Variants in SYNE1 observed in about 807,000 individuals in gnomAD.
SYNE1 encodes nesprin-1.
SYNE1 carries 616 observed loss-of-function variants against 1,111.0 expected under a neutral mutation model. The ratio of observed to expected loss-of-function variants is 0.55; its 90% CI spans 0.52 to 0.59. The LOEUF (loss-of-function observed/expected upper bound fraction) is 0.59, where lower values mean the gene tolerates loss of function less well. SYNE1 is among the 20% of genes least tolerant of loss of function. SYNE1 has a pLI of 0.00. For synonymous variants in SYNE1, 3,855 were observed against 3,825.8 expected (o/e 1.01, Z -0.28); for missense variants, 10,006 against 10,417.0 (o/e 0.96, Z 1.72).
chr6:152,577,655 A>T (rs2128382259), intron 3 of SYNE1, among the ~76,000 whole-genome samples: 1 of 152,200 alleles, frequency 6.6e-6, no homozygotes, highest in African/African-American at 2.4e-5. Context: ...AGAAAAAAAA[A>T]TTCTCTAACT....
chr6:152,280,548 G>A (rs1182103472), intron 97 of SYNE1, among the ~76,000 whole-genome samples: 2 of 152,068 alleles, frequency 1.3e-5, no homozygotes, highest in South Asian at 4.2e-4. Flanking sequence ...GAACACCCCT[G>A]TCTTAAAGTA....
intron 91 of SYNE1, 75 bp from the exon 92 acceptor site, chr6:152,302,138 T>C: frequency 2.5e-6 from 4 of 1,586,216 alleles, no homozygotes; most frequent in Non-Finnish European, 3.4e-6. Flanking sequence ...TTCATCTTCC[T>C]GCAGGGCGAG....
intron 11 of SYNE1, among the ~76,000 whole-genome samples, chr6:152,494,640 C>T (rs931755341): frequency 6.6e-6 from 1 of 152,184 alleles, no homozygotes; most frequent in Non-Finnish European, 1.5e-5. Context: ...AATATTTATA[C>T]TGACCCTAAA....
intron 131 of SYNE1, among the ~76,000 whole-genome samples, chr6:152,157,503 G>T (rs963447282): frequency 6.6e-6 from 1 of 152,162 alleles, no homozygotes; most frequent in Non-Finnish European, 1.5e-5. Flanking sequence ...ATGTTCGATA[G>T]AGTAGAATGA....
At chr6:152,286,570 C>T (rs544322348) in intron 95 of SYNE1, among the ~76,000 whole-genome samples, 40 of 152,272 alleles carry the variant, frequency 2.6e-4, no homozygotes, top group African/African-American at 9.6e-4. Flanking sequence ...TTTTAATTTC[C>T]ATTTCCCCGA....
chr6:152,145,725 T>G, intron 137 of SYNE1: 1 of 656,400 alleles, frequency 1.5e-6, no homozygotes, highest in Non-Finnish European at 2.8e-6. Context: ...CTGAAATGAA[T>G]CATAAGAATT....
At chr6:152,287,738 G>T (rs998790252) in intron 95 of SYNE1, among the ~76,000 whole-genome samples, 1 of 152,036 alleles carries the variant, frequency 6.6e-6, no homozygotes, top group Non-Finnish European at 1.5e-5. Context: ...GTAGAGATGT[G>T]GTTTCACCAT....
intron 96 of SYNE1, among the ~76,000 whole-genome samples, chr6:152,283,688 C>G (rs2094160011): frequency 6.6e-6 from 1 of 152,122 alleles, no homozygotes; most frequent in African/African-American, 2.4e-5. Context: ...AGGCACACAC[C>G]ACCATGTCTG....
chr6:152,210,720 A>G (rs761391798), intron 124 of SYNE1, among the ~76,000 whole-genome samples: 5 of 152,220 alleles, frequency 3.3e-5, no homozygotes, highest in Admixed American at 6.5e-5. Context: ...AATACTCCAA[A>G]TATCACCACG....
At chr6:152,228,338 T>C (rs2082053374) in intron 115 of SYNE1, among the ~76,000 whole-genome samples, 1 of 152,156 alleles carries the variant, frequency 6.6e-6, no homozygotes, top group Non-Finnish European at 1.5e-5. Flanking sequence ...CACTTTAAGC[T>C]TTCCCTCCTG....
chr6:152,527,412 C>T (rs1467242331), intron 4 of SYNE1, among the ~76,000 whole-genome samples: 1 of 152,148 alleles, frequency 6.6e-6, no homozygotes, highest in East Asian at 1.9e-4. Context: ...TTTGATCATT[C>T]TCTTTCAAAT....
rs185494199 is a variant in SYNE1 at position 152,350,380 on chromosome 6, C to T, written c.11734-45G>A. 5.6e-4 allele frequency: 909 copies of T among 1,613,366 alleles called. 2 individuals carry two copies. Among genetic ancestry groups the T allele is most frequent in the Non-Finnish European group, 1.6e-4 (190 of 1,179,652 alleles). ...TCAGAGATGACTTTCAAGTGAAAAA[C>T]CTACTCAAAACTGTTTTGTATTACA... is the stretch of plus-strand genomic sequence containing the variant. On this transcript the variant is annotated intron_variant, in intron 71 of 145. Coordinates refer to ENST00000367255, the MANE Select transcript of SYNE1 (RefSeq NM_182961.4).
chr6:152,510,007 AT>A (rs1203268266), intron 8 of SYNE1, among the ~76,000 whole-genome samples, 185 bp downstream of exon 8: 39 of 152,172 alleles, frequency 2.6e-4, no homozygotes, highest in African/African-American at 9.2e-4. Flanking sequence ...TTTTAAGAGC[AT>A]TTTCCTAGAG....
At chr6:152,191,361 A>C (rs1384890330) in intron 127 of SYNE1, among the ~76,000 whole-genome samples, 2 of 151,518 alleles carry the variant, frequency 1.3e-5, no homozygotes, top group African/African-American at 2.4e-5. Flanking sequence ...GATTGGTATT[A>C]GTTCTTCTTT....
At chr6:152,466,809 AAATT>A in intron 16 of SYNE1, among the ~76,000 whole-genome samples, 1 of 152,238 alleles carries the variant, frequency 6.6e-6, no homozygotes. Context: ...TGAAAGTAGA[AAATT>A]AATGCAATTA....
intron 130 of SYNE1, among the ~76,000 whole-genome samples, chr6:152,172,216 C>T (rs182060613): frequency 1.5e-3 from 226 of 152,214 alleles, no homozygotes; most frequent in African/African-American, 5.3e-3. Context: ...TAATGGGTAA[C>T]TGTTTTTATT....
At chr6:152,380,665 G>C in intron 56 of SYNE1, 1 of 323,580 alleles carries the variant, frequency 3.1e-6, no homozygotes, top group Non-Finnish European at 5.8e-6. Flanking sequence ...AAACAGCTAT[G>C]ACTCTCTGTC....
At chr6:152,389,220 G>T (rs1251925810) in intron 53 of SYNE1, among the ~76,000 whole-genome samples, 1 of 152,058 alleles carries the variant, frequency 6.6e-6, no homozygotes, top group African/African-American at 2.4e-5. Context: ...TTTTATTGTA[G>T]GTTCAAAGGT....
At position 152,259,377 on chromosome 6, in the gene SYNE1, G is replaced by C. The variant is rs184216400; in HGVS notation, c.18973-2612C>G. Reference sequence around the variant, plus strand: ...TGAAGCCAAGTAGGTTGTTGTGCATGGAAGCATTAAATACATTGGAAGTAA... The same window carrying C: ...TGAAGCCAAGTAGGTTGTTGTGCATCGAAGCATTAAATACATTGGAAGTAA... On this transcript the variant is annotated intron_variant, in intron 101 of 145. Transcript: ENST00000367255. 5.9e-5 allele frequency among the ~76,000 whole-genome samples: 9 copies of C among 152,218 alleles called. No individual in the cohort carries two copies. The East Asian group carries it at 1.7e-3, about 29-fold the overall frequency.
Sources: allele counts gnomAD v4.1 joint callset (sites outside exome capture counted in the v4.1 genomes callset), GRCh38; gene constraint gnomAD v4.1.1; transcripts MANE v1.5; gene names NCBI Gene and HGNC (gene_info 2026-07-23, HGNC 2026-07-21).